LYZL4: variants seen among roughly 807,000 people sequenced by gnomAD.
The protein encoded by LYZL4 is lysozyme-like protein 4.
In LYZL4, 13 loss-of-function variants were observed where a neutral mutation model predicts 17.6. The observed-to-expected ratio is 0.74, with a 90% CI of 0.48 to 1.18. LYZL4 has a LOEUF of 1.18. LYZL4 is among the 50% of genes most tolerant of loss of function. The pLI is 0.00. For missense variants in LYZL4, 174 were observed against 188.2 expected (o/e 0.92, Z 0.44); for synonymous variants, 64 against 67.7 (o/e 0.95, Z 0.27).
chr3:42,371,530 T>C, the LYZL4 span, among the ~76,000 whole-genome samples: 2 of 152,184 alleles, frequency 1.3e-5, no homozygotes, highest in Non-Finnish European at 2.9e-5. Context: ...GGATGAAACA[T>C]AGCCATGATT....
the LYZL4 span, among the ~76,000 whole-genome samples, chr3:42,368,850 G>A: frequency 8.5e-5 from 13 of 152,160 alleles, no homozygotes; most frequent in East Asian, 1.4e-3. Context: ...ATGTGTTCTC[G>A]TTATTGTTTT....
the LYZL4 span, among the ~76,000 whole-genome samples, chr3:42,370,059 G>A: frequency 6.6e-6 from 1 of 152,248 alleles, no homozygotes; most frequent in African/African-American, 2.4e-5. Flanking sequence ...ACGCTGTGAA[G>A]CTGGGGGATA....
In LYZL4 at chr3:42,407,108, C is replaced by T. The variant is rs765200832; in HGVS notation, c.139+5G>A. 2.5e-6 allele frequency: 4 copies of T among 1,614,174 alleles called. No individual in the cohort carries two copies. The South Asian group carries it at 3.3e-5, about 13-fold the overall frequency. ...AGGAGGGAGCACTAAGTGGGGCCTACTCACAGTTCTCAAGGCTATAGCCCT... is the reference window on the plus strand; with the variant it reads ...AGGAGGGAGCACTAAGTGGGGCCTATTCACAGTTCTCAAGGCTATAGCCCT... On this transcript the variant is annotated splice_donor_5th_base_variant and intron_variant, in intron 2 of 4. Transcript: ENST00000287748.
At chr3:42,399,887 A>C (rs1007153325) in intron 4 of LYZL4, among the ~76,000 whole-genome samples, 6 of 151,402 alleles carry the variant, frequency 4.0e-5, no homozygotes, top group African/African-American at 1.5e-4. Flanking sequence ...TCTCTGATTG[A>C]ATTTTTTAGG....
At chr3:42,402,347 A>T (rs567967942) in intron 4 of LYZL4, among the ~76,000 whole-genome samples, 257 of 143,638 alleles carry the variant, frequency 1.8e-3, no homozygotes, top group Non-Finnish European at 2.6e-3. Context: ...TGTCTCTTAT[A>T]AAAAAAAGAT....
chr3:42,381,810 A>G, the LYZL4 span, among the ~76,000 whole-genome samples: 1 of 152,214 alleles, frequency 6.6e-6, no homozygotes, highest in African/African-American at 2.4e-5. Context: ...ATTTACATTT[A>G]CCCTTCAAGA....
the LYZL4 span, among the ~76,000 whole-genome samples, chr3:42,379,601 G>A: frequency 4.9e-5 from 7 of 143,942 alleles, no homozygotes; most frequent in East Asian, 1.6e-3. Flanking sequence ...ACCAAGAGAA[G>A]ACCCAGCTGC....
the LYZL4 span, among the ~76,000 whole-genome samples, chr3:42,370,937 T>G: frequency 6.6e-6 from 1 of 152,268 alleles, no homozygotes; most frequent in East Asian, 1.9e-4. Context: ...CCCATCTCCT[T>G]TTGTCTTTAG....
chr3:42,400,164 C>T (rs557193361), intron 4 of LYZL4, among the ~76,000 whole-genome samples: 2 of 152,304 alleles, frequency 1.3e-5, no homozygotes, highest in East Asian at 1.9e-4. Context: ...ACACCACCTA[C>T]GCTTCCACTA....
At chr3:42,385,278 C>T in the LYZL4 span, among the ~76,000 whole-genome samples, 8 of 152,084 alleles carry the variant, frequency 5.3e-5, no homozygotes, top group African/African-American at 1.4e-4. Flanking sequence ...TGGTCCCATA[C>T]AAACGGTGGT....
chr3:42,404,941 C>T (rs1227778213), intron 3 of LYZL4, among the ~76,000 whole-genome samples: 1 of 152,116 alleles, frequency 6.6e-6, no homozygotes, highest in African/African-American at 2.4e-5. Context: ...CACTAAGGGC[C>T]CTGCCTGGCA....
At chr3:42,396,159 A>G (rs1001858911), downstream of LYZL4, among the ~76,000 whole-genome samples, 1 of 152,236 alleles carries the variant, frequency 6.6e-6, no homozygotes, top group Non-Finnish European at 1.5e-5. Context: ...TGGCACTAAA[A>G]TTTCACTTTG....
chr3:42,371,126 T>C, the LYZL4 span, among the ~76,000 whole-genome samples: 20 of 152,292 alleles, frequency 1.3e-4, no homozygotes, highest in East Asian at 3.7e-3. Context: ...GATTCTCCCC[T>C]GGAACTCCCA....
intron 3 of LYZL4, among the ~76,000 whole-genome samples, chr3:42,406,453 C>CAAAAAAAAAAAAAA (rs565639489): frequency 1.2e-5 from 1 of 84,172 alleles, no homozygotes; most frequent in Admixed American, 1.4e-4. Context: ...GACTCCGTCT[C>CAAAAAAAAAAAAAA]AAAAAAAAAA....
At chr3:42,381,343 C>T in the LYZL4 span, among the ~76,000 whole-genome samples, 5 of 152,198 alleles carry the variant, frequency 3.3e-5, no homozygotes, top group South Asian at 1.0e-3. Flanking sequence ...CAATCTATAT[C>T]AATTCATCGA....
chr3:42,410,304 C>T (rs1182173251), intron 1 of LYZL4, 113 bp downstream of exon 1: 1 of 152,226 alleles, frequency 6.6e-6, no homozygotes, highest in Non-Finnish European at 1.5e-5. Flanking sequence ...AAAACCTCCT[C>T]TTCCCAACTG....
At chr3:42,399,540 A>G (rs1395000932) in intron 4 of LYZL4, among the ~76,000 whole-genome samples, 1 of 152,174 alleles carries the variant, frequency 6.6e-6, no homozygotes, top group Non-Finnish European at 1.5e-5. Flanking sequence ...TAATGCCAAG[A>G]TTCATGAGCT....
chr3:42,396,478 T>C (rs1464468773), downstream of LYZL4, among the ~76,000 whole-genome samples: 1 of 152,214 alleles, frequency 6.6e-6, no homozygotes, highest in African/African-American at 2.4e-5. Flanking sequence ...GAAACAGATG[T>C]AGGGGAAAAG....
At chr3:42,380,260 TGTTTACTGCCC>T in the LYZL4 span, among the ~76,000 whole-genome samples, 1 of 152,328 alleles carries the variant, frequency 6.6e-6, no homozygotes, top group African/African-American at 2.4e-5. Context: ...AAAAGGACAG[TGTTTACTGCCC>T]TGTTTTATAG....
Sources: allele counts gnomAD v4.1 joint callset (sites outside exome capture counted in the v4.1 genomes callset), GRCh38; gene constraint gnomAD v4.1.1; transcripts MANE v1.5; gene names NCBI Gene and HGNC (gene_info 2026-07-23, HGNC 2026-07-21).